NXPE1: variants seen among roughly 807,000 people sequenced by gnomAD.
The protein encoded by NXPE1 is NXPE family member 1.
A neutral mutation model predicts 33.3 loss-of-function variants in NXPE1; 31 were observed. The observed-to-expected ratio is 0.93, with a 90% CI of 0.70 to 1.26. The LOEUF is 1.26. Among genes scored for constraint, NXPE1 ranks in the 50% most tolerant of loss-of-function variants. The probability of loss-of-function intolerance (pLI) is 0.00; values close to 1 mark genes in which losing one functional copy is unlikely to be tolerated. For synonymous variants in NXPE1, 229 were observed against 231.4 expected (o/e 0.99, Z 0.09); for missense variants, 661 against 655.6 (o/e 1.01, Z -0.09).
At chr11:114,543,049 G>A (rs1269013893) in intron 5 of NXPE1, among the ~76,000 whole-genome samples, 1 of 152,142 alleles carries the variant, frequency 6.6e-6, no homozygotes, top group Non-Finnish European at 1.5e-5. Flanking sequence ...GAGGCCAGGA[G>A]TTTGAGACCA....
chr11:114,533,715 C>T (rs1947679231), intron 5 of NXPE1, among the ~76,000 whole-genome samples: 1 of 152,204 alleles, frequency 6.6e-6, no homozygotes, highest in African/African-American at 2.4e-5. Context: ...GATCAAACTG[C>T]AAGGCGGCAG....
At chr11:114,523,983 GAGA>G (rs1947292887) in intron 7 of NXPE1, among the ~76,000 whole-genome samples, 1 of 152,254 alleles carries the variant, frequency 6.6e-6, no homozygotes, top group Non-Finnish European at 1.5e-5. Context: ...GGCCTGGAGT[GAGA>G]AGGCCAGGGC....
intron 1 of NXPE1, among the ~76,000 whole-genome samples, chr11:114,553,535 C>G (rs890426143): frequency 6.6e-6 from 1 of 152,168 alleles, no homozygotes; most frequent in African/African-American, 2.4e-5. Flanking sequence ...ATTTATTAAC[C>G]CCATCCTCTA....
downstream of NXPE1, among the ~76,000 whole-genome samples, chr11:114,519,711 T>C (rs1299275509): frequency 6.6e-6 from 1 of 151,998 alleles, no homozygotes; most frequent in African/African-American, 2.4e-5. Context: ...CAGAGACTGA[T>C]GTATTTGAAC....
chr11:114,545,254 A>T (rs968322662), intron 5 of NXPE1, among the ~76,000 whole-genome samples: 1 of 152,222 alleles, frequency 6.6e-6, no homozygotes, highest in African/African-American at 2.4e-5. Flanking sequence ...CCACACAAAT[A>T]CCTGCACATG....
At chr11:114,521,645 G>A (rs1947213705) in exon 9 of NXPE1, 1 of 239,354 alleles carries the variant, frequency 4.2e-6, no homozygotes, top group Non-Finnish European at 8.1e-6. Flanking sequence ...GACAGAGCTA[G>A]GAAATATCTA....
chr11:114,530,787 T>C (rs1947551362), exon 6 of NXPE1: 1 of 1,614,250 alleles, frequency 6.2e-7, no homozygotes, highest in Admixed American at 1.7e-5. Flanking sequence ...TATGATTTCC[T>C]TTATTCTGAG....
At chr11:114,539,626 T>C (rs1948005715) in intron 5 of NXPE1, among the ~76,000 whole-genome samples, 1 of 152,180 alleles carries the variant, frequency 6.6e-6, no homozygotes, top group African/African-American at 2.4e-5. Flanking sequence ...TCTAATTAAA[T>C]TCTTAAGATG....
At chr11:114,522,017 T>A in exon 9 of NXPE1, 1 of 1,613,844 alleles carries the variant, frequency 6.2e-7, no homozygotes, top group Non-Finnish European at 8.5e-7. Context: ...AATCACATGA[T>A]CAGGTGGGTG....
intron 5 of NXPE1, among the ~76,000 whole-genome samples, chr11:114,549,940 G>A (rs1297401523): frequency 6.6e-6 from 1 of 151,756 alleles, no homozygotes; most frequent in Non-Finnish European, 1.5e-5. Context: ...ATAGAGAGAA[G>A]CTAAAATGGA....
intron 5 of NXPE1, among the ~76,000 whole-genome samples, chr11:114,538,735 T>C (rs1325043309): frequency 6.6e-6 from 1 of 152,094 alleles, no homozygotes. Context: ...CACAATGAGA[T>C]ACCATCTCAC....
intron 5 of NXPE1, among the ~76,000 whole-genome samples, chr11:114,538,288 T>A (rs1947926676): frequency 6.6e-6 from 1 of 152,184 alleles, no homozygotes; most frequent in Non-Finnish European, 1.5e-5. Context: ...TCAAGATGGA[T>A]TAAAGACTTA....
At chr11:114,522,295 G>T in exon 9 of NXPE1, 1 of 1,614,090 alleles carries the variant, frequency 6.2e-7, no homozygotes, top group Non-Finnish European at 8.5e-7. Context: ...TAAAGTGCTG[G>T]CCAAAGGTGA....
chr11:114,555,656 C>T (rs958833047), intron 1 of NXPE1, among the ~76,000 whole-genome samples: 1 of 152,214 alleles, frequency 6.6e-6, no homozygotes, highest in African/African-American at 2.4e-5. Flanking sequence ...TTTTGTCCTC[C>T]TCCTGTGCAT....
At chr11:114,557,117 T>C (rs542205553) in intron 1 of NXPE1, among the ~76,000 whole-genome samples, 1 of 152,098 alleles carries the variant, frequency 6.6e-6, no homozygotes, top group East Asian at 1.9e-4. Flanking sequence ...TGGTCTCGAA[T>C]TCCTGACCTC....
intron 2 of NXPE1, 98 bp downstream of exon 2, chr11:114,552,754 A>G (rs1030453783): frequency 2.8e-5 from 11 of 386,858 alleles, no homozygotes; most frequent in Non-Finnish European, 2.8e-5. Flanking sequence ...CAGCATTGAA[A>G]AAAAAGTATG....
In NXPE1 at chr11:114,522,043, A is replaced by C; in HGVS notation, c.1569T>G (p.Tyr523Ter). 6.2e-7 allele frequency: 1 copy of C among 1,613,832 alleles called. No homozygotes were observed. The change falls in exon 9 of 9, where the codon TAT becomes TAG. Residue 523 changes from tyrosine to a stop codon, truncating the protein, a stop_gained. Coordinates refer to ENST00000534921, the Ensembl canonical transcript of NXPE1. LOFTEE classifies it high-confidence loss of function. The stretch of plus-strand genomic sequence containing the variant: ...CAGGTGGGTGGATAGTGTCAGTGCC[A>C]TATGCAATGGTCATGTCCCAGGCAT...
At chr11:114,538,042 C>A (rs1292323119) in intron 5 of NXPE1, among the ~76,000 whole-genome samples, 1 of 152,168 alleles carries the variant, frequency 6.6e-6, no homozygotes. Flanking sequence ...TACAAGGCTA[C>A]AGTAACCAAA....
chr11:114,547,978 A>G (rs987167325), intron 5 of NXPE1, among the ~76,000 whole-genome samples: 1 of 152,202 alleles, frequency 6.6e-6, no homozygotes, highest in Non-Finnish European at 1.5e-5. Context: ...TAAAGTAAAA[A>G]GTTTATTAAA....
Sources: gnomAD v4.1 joint callset for allele counts (sites outside exome capture counted in the v4.1 genomes callset) on GRCh38, gnomAD v4.1.1 for gene constraint, MANE v1.5 for transcripts, NCBI Gene and HGNC (gene_info 2026-07-23, HGNC 2026-07-21) for gene names.